The following EPHA7 variants were observed in gnomAD, a reference collection of about 807,000 sequenced individuals.
The protein encoded by EPHA7 is EPH receptor A7.
A neutral mutation model predicts 112.6 loss-of-function variants in EPHA7; 25 were observed. That is an observed-to-expected ratio of 0.22 (90% CI 0.16 to 0.31). EPHA7 has a LOEUF of 0.31. Ranked by LOEUF, EPHA7 falls within the 10% of genes least tolerant of loss-of-function variation. The pLI is 1.00. For synonymous variants in EPHA7, 437 were observed against 406.5 expected (o/e 1.07, Z -0.90); for missense variants, 962 against 1,212.6 (o/e 0.79, Z 3.07).
At chr6:93,326,459 AACTT>A (rs1382279654) in intron 5 of EPHA7, among the ~76,000 whole-genome samples, 1 of 151,488 alleles carries the variant, frequency 6.6e-6, no homozygotes, top group Admixed American at 6.6e-5. Flanking sequence ...GCATAACTAG[AACTT>A]ACTTAGGAGA....
At chr6:93,403,582 G>T (rs755426345) in intron 3 of EPHA7, among the ~76,000 whole-genome samples, 3 of 151,146 alleles carry the variant, frequency 2.0e-5, no homozygotes, top group Non-Finnish European at 4.4e-5. Flanking sequence ...CTGGGCTGTA[G>T]TGTGCTATGA....
chr6:93,278,781 G>A (rs1771590649), intron 5 of EPHA7, among the ~76,000 whole-genome samples: 1 of 151,670 alleles, frequency 6.6e-6, no homozygotes, highest in Non-Finnish European at 1.5e-5. Flanking sequence ...TCATCTCAGA[G>A]TCATATTTTT....
In EPHA7 at chr6:93,240,590, C is replaced by G. The variant is rs1344569077; in HGVS notation, c.*2836G>C. On this transcript the variant is annotated 3_prime_UTR_variant, in exon 17 of 17. Transcript: ENST00000369303. ...AGAACAAGTTACTTTTATTTCAGTA[C>G]TGAATGCAAAACACAGGTCAAGTGT... The G allele has an allele frequency of 4.6e-6, 1 of 218,398 alleles. No individual in the cohort carries two copies. Among genetic ancestry groups the G allele is most frequent in the Non-Finnish European group, 9.2e-6 (1 of 108,834 alleles). 13.5% of individuals were successfully genotyped at this position (218,398 alleles called of 1,614,324 possible). A position where few individuals can be genotyped will look rare whatever the true frequency, so the allele number is the denominator to read the frequency against.
At chr6:93,307,527 A>G (rs1773316654) in intron 5 of EPHA7, among the ~76,000 whole-genome samples, 1 of 152,162 alleles carries the variant, frequency 6.6e-6, no homozygotes, top group African/African-American at 2.4e-5. Context: ...CTAAGGATTG[A>G]ATCTATTCAA....
chr6:93,309,528 A>G (rs1773425007), intron 5 of EPHA7, among the ~76,000 whole-genome samples: 1 of 152,162 alleles, frequency 6.6e-6, no homozygotes, highest in African/African-American at 2.4e-5. Context: ...TTCATTTTTA[A>G]TTAAACATTG....
Position 93,245,420 on chromosome 6 carries a change from A to G in EPHA7, c.2760T>C (p.Pro920=). The change falls in exon 16 of 17, where the codon CCT becomes CCC. Residue 920 remains proline (P), a synonymous_variant. Coordinates refer to ENST00000369303, the MANE Select transcript of EPHA7 (RefSeq NM_004440.4). ...CAACTGAACAAAAGGTAGTGAAATC[A>G]GGAGTGTTTTGATCCAGAAGAGGGC... is the stretch of plus-strand genomic sequence containing the variant. ...PISPLLDQNT[P]DFTTFCSVGE... 1 of 1,613,796 alleles carries G rather than the reference A, an allele frequency of 6.2e-7. No individual in the cohort carries two copies. Among genetic ancestry groups the G allele is most frequent in the Non-Finnish European group, 8.5e-7 (1 of 1,179,872 alleles).
chr6:93,309,481 C>T (rs149770157), intron 5 of EPHA7, among the ~76,000 whole-genome samples: 4 of 151,926 alleles, frequency 2.6e-5, no homozygotes, highest in Admixed American at 2.0e-4. Flanking sequence ...AATTAAAAAG[C>T]TCAACTTGAT....
chr6:93,337,326 C>T (rs1282138221), intron 5 of EPHA7, among the ~76,000 whole-genome samples: 3 of 152,174 alleles, frequency 2.0e-5, no homozygotes, highest in Non-Finnish European at 4.4e-5. Context: ...TGTCTTTACA[C>T]ACTGATTGCA....
At position 93,289,554 on chromosome 6, in the gene EPHA7, G is replaced by T. The variant is rs1582456293; in HGVS notation, c.1325-17132C>A. 3.3e-5 allele frequency among the ~76,000 whole-genome samples: 5 copies of T among 152,134 alleles called. No individual in the cohort carries two copies. In the South Asian group the frequency reaches 8.3e-4, roughly 25 times the overall value. On this transcript the variant is annotated intron_variant, in intron 5 of 16. Coordinates refer to ENST00000369303, the MANE Select transcript of EPHA7 (RefSeq NM_004440.4). ...CAGGAGAATGGCGTGAACCTGGGAG[G>T]TGGGGCTTGCATTGGGCCAAGATCG...
At chr6:93,337,931 G>T (rs1390517441) in intron 5 of EPHA7, among the ~76,000 whole-genome samples, 1 of 152,004 alleles carries the variant, frequency 6.6e-6, no homozygotes, top group Admixed American at 6.6e-5. Flanking sequence ...AAACAGGAAG[G>T]AAGAAATGGA....
At chr6:93,271,505 C>G (rs921654949) in intron 6 of EPHA7, among the ~76,000 whole-genome samples, 7 of 151,846 alleles carry the variant, frequency 4.6e-5, no homozygotes, top group Admixed American at 1.3e-4. Context: ...GCAATGGTTT[C>G]CACGTTTCAA....
At chr6:93,252,127 G>GCTT (rs3839561) in intron 14 of EPHA7, among the ~76,000 whole-genome samples, 97,733 of 151,202 alleles carry the variant, frequency 0.65, 32,617 homozygotes, top group South Asian at 0.83. Context: ...TCACTCATTA[G>GCTT]CTTCTACACC....
At chr6:93,355,486 C>G (rs1226001537) in intron 5 of EPHA7, among the ~76,000 whole-genome samples, 1 of 152,144 alleles carries the variant, frequency 6.6e-6, no homozygotes, top group African/African-American at 2.4e-5. Context: ...GACAGCCAGC[C>G]AAAGACCAAG....
chr6:93,340,370 T>C (rs1053015451), intron 5 of EPHA7, among the ~76,000 whole-genome samples: 7 of 151,852 alleles, frequency 4.6e-5, no homozygotes, highest in African/African-American at 9.7e-5. Flanking sequence ...ATTATTAAAT[T>C]ATCACATCTT....
At chr6:93,377,947 G>T (rs1017808477) in intron 3 of EPHA7, among the ~76,000 whole-genome samples, 2 of 152,078 alleles carry the variant, frequency 1.3e-5, no homozygotes, top group African/African-American at 4.8e-5. Context: ...AACAGACACA[G>T]TTCCTGCCCT....
In EPHA7 at chr6:93,257,531, TA is replaced by T. The variant is rs760770968; in HGVS notation, c.2111-9del. On this transcript the variant is annotated splice_polypyrimidine_tract_variant and intron_variant, in intron 11 of 16. Transcript: ENST00000369303. Reference sequence around the variant, plus strand: ...CTATCATGACTGGTTTCCCTAAAATTAAAAAAAAAAAGTTTCAGGAGTCGTA... The same window carrying T: ...CTATCATGACTGGTTTCCCTAAAATTAAAAAAAAAAGTTTCAGGAGTCGTA... The T allele has an allele frequency of 0.05, 53,661 of 1,081,914 alleles. No homozygotes were observed. The highest frequency in any genetic ancestry group is 0.078 in the South Asian group (4,143 of 53,026). 67.0% of individuals were successfully genotyped at this position (1,081,914 alleles called of 1,614,324 possible). A position where few individuals can be genotyped will look rare whatever the true frequency, so the allele number is the denominator to read the frequency against.
chr6:93,364,335 C>A (rs1381406033), intron 3 of EPHA7, among the ~76,000 whole-genome samples: 2 of 151,998 alleles, frequency 1.3e-5, no homozygotes, highest in African/African-American at 2.4e-5. Context: ...ACCACCCTGG[C>A]CAACATGACG....
intron 5 of EPHA7, among the ~76,000 whole-genome samples, chr6:93,290,571 C>T (rs1168015929): frequency 6.6e-6 from 1 of 152,116 alleles, no homozygotes; most frequent in Non-Finnish European, 1.5e-5. Flanking sequence ...TAAAATCTTC[C>T]TCTGGAATAG....
At chr6:93,251,095 C>T (rs1040812706) in intron 14 of EPHA7, among the ~76,000 whole-genome samples, 1 of 152,012 alleles carries the variant, frequency 6.6e-6, no homozygotes, top group South Asian at 2.1e-4. Flanking sequence ...TTTTCTATTT[C>T]ATTAACCTCA....
Sources: gnomAD v4.1 joint callset for allele counts (sites outside exome capture counted in the v4.1 genomes callset) on GRCh38, gnomAD v4.1.1 for gene constraint, MANE v1.5 for transcripts, NCBI Gene and HGNC (gene_info 2026-07-23, HGNC 2026-07-21) for gene names.